Variants in TET1 observed in about 807,000 individuals in gnomAD.
TET1 encodes the protein tet methylcytosine dioxygenase 1.
A neutral mutation model predicts 148.7 loss-of-function variants in TET1; 13 were observed. The observed-to-expected ratio is 0.09, with a 90% CI of 0.06 to 0.14. TET1 has a LOEUF of 0.14. TET1 is among the 10% of genes least tolerant of loss of function. The pLI, the probability that TET1 is intolerant of heterozygous loss-of-function variation, is 1.00. For missense variants in TET1, 2,182 were observed against 2,553.8 expected (o/e 0.85, Z 3.14); for synonymous variants, 907 against 937.2 (o/e 0.97, Z 0.59).
intron 9 of TET1, among the ~76,000 whole-genome samples, chr10:68,682,089 T>A (rs925487696): frequency 2.3e-5 from 3 of 128,826 alleles, no homozygotes; most frequent in Non-Finnish European, 4.9e-5. Context: ...TTTATTGATC[T>A]ACTCTTTTTT....
intron 1 of TET1, among the ~76,000 whole-genome samples, chr10:68,570,981 A>T (rs1004475356): frequency 2.0e-5 from 3 of 148,524 alleles, no homozygotes; most frequent in African/African-American, 7.5e-5. Context: ...ATTTTATTTT[A>T]TTTATTTTAT....
intron 3 of TET1, among the ~76,000 whole-genome samples, chr10:68,606,103 A>G (rs2054119556): frequency 6.6e-6 from 1 of 152,182 alleles, no homozygotes; most frequent in South Asian, 2.1e-4. Flanking sequence ...TCGGTGGCTC[A>G]TGTCTGTAAT....
intron 3 of TET1, among the ~76,000 whole-genome samples, chr10:68,634,000 T>C (rs1219564862): frequency 6.6e-6 from 1 of 152,160 alleles, no homozygotes; most frequent in Admixed American, 6.5e-5. Context: ...TTCTCCTGCC[T>C]CAGCCTCTTG....
At chr10:68,604,187 CTT>C (rs1297462892) in intron 3 of TET1, among the ~76,000 whole-genome samples, 1 of 152,098 alleles carries the variant, frequency 6.6e-6, no homozygotes, top group Non-Finnish European at 1.5e-5. Flanking sequence ...GTGTAAATAA[CTT>C]TTACTTTGTG....
At chr10:68,608,553 G>T (rs2054159926) in intron 3 of TET1, among the ~76,000 whole-genome samples, 1 of 151,874 alleles carries the variant, frequency 6.6e-6, no homozygotes, top group African/African-American at 2.4e-5. Context: ...ATTTATTTTT[G>T]AGATGGAGTC....
Position 68,565,475 on chromosome 10 carries a change from AAT to A in TET1, c.-123+4756_-123+4757del, listed in dbSNP as rs71019031. ...AGCAAGACCCTGTTTAAAAAAAAAA[AAT>A]ATATATATATATATATATATATGCA... On this transcript the variant is annotated intron_variant, in intron 1 of 11. Coordinates refer to ENST00000373644, the MANE Select transcript of TET1 (RefSeq NM_030625.3). 6.2e-3 allele frequency among the ~76,000 whole-genome samples: 801 copies of A among 129,204 alleles called. 3 individuals carry two copies. Among genetic ancestry groups the A allele is most frequent in the African/African-American group, 0.015 (553 of 35,922 alleles). The allele number at this position is 129,204 out of a possible 152,430, so 84.8% of individuals were successfully genotyped here. A position where few individuals can be genotyped will look rare whatever the true frequency, so the allele number is the denominator to read the frequency against.
chr10:68,683,841 T>G (rs1270680001), intron 10 of TET1, among the ~76,000 whole-genome samples: 1 of 152,268 alleles, frequency 6.6e-6, no homozygotes, highest in African/African-American at 2.4e-5. Context: ...ATCAGCAATA[T>G]TTGCATTCTG....
At chr10:68,624,697 T>TC in intron 3 of TET1, among the ~76,000 whole-genome samples, 1 of 138,312 alleles carries the variant, frequency 7.2e-6, no homozygotes, top group African/African-American at 2.9e-5. Context: ...TCTCTCTCTC[T>TC]TTCTTTCTTT....
At chr10:68,682,145 G>C (rs1286526380) in intron 9 of TET1, among the ~76,000 whole-genome samples, 1 of 104,680 alleles carries the variant, frequency 9.6e-6, no homozygotes, top group Admixed American at 1.5e-4. Flanking sequence ...TTGTTGCCCA[G>C]GCTGGAGTGC....
chr10:68,639,157 TTTTC>T (rs1470579465), intron 3 of TET1, among the ~76,000 whole-genome samples: 1 of 152,044 alleles, frequency 6.6e-6, no homozygotes, highest in Admixed American at 6.5e-5. Flanking sequence ...TTTCTTTTTT[TTTTC>T]TTTTAAGACA....
intron 3 of TET1, among the ~76,000 whole-genome samples, chr10:68,605,427 G>A (rs2054110472): frequency 1.3e-5 from 2 of 152,144 alleles, no homozygotes; most frequent in African/African-American, 4.8e-5. Context: ...GAGGAAACAA[G>A]CAAAAATTGC....
At chr10:68,654,268 C>A (rs188134958) in intron 6 of TET1, among the ~76,000 whole-genome samples, 9 of 152,040 alleles carry the variant, frequency 5.9e-5, no homozygotes, top group African/African-American at 1.9e-4. Context: ...GAACAAAGGT[C>A]TTGGGTTTAG....
chr10:68,646,375 T>G lies in TET1; in HGVS notation c.3646T>G (p.Ser1216Ala), dbSNP rs2054847891. Reference sequence around the variant, plus strand: ...TACTGTATTTGGGAAAATTTCTTCCTCGACCAAAATATGGAAACCACTGGC... The same window carrying G: ...TACTGTATTTGGGAAAATTTCTTCCGCGACCAAAATATGGAAACCACTGGC... ...FPTVFGKISS[S>A]TKIWKPLAQT... is the part of the protein sequence containing the mutation. The change falls in exon 4 of 12, where the codon TCG (serine) becomes GCG (alanine). Residue 1216 changes from serine to alanine, a missense_variant. Ser to Ala is a moderately conservative substitution (Grantham distance 99, BLOSUM62 1). This residue lies in a region of TET1 where 582 missense variants were observed against 599.5 expected (regional missense o/e 0.97). Transcript: ENST00000373644. 15 of 1,614,164 alleles carry G rather than the reference T, an allele frequency of 9.3e-6. No homozygotes were observed. The East Asian group carries it at 3.3e-4, about 36-fold the overall frequency.
intron 8 of TET1, among the ~76,000 whole-genome samples, chr10:68,679,819 G>A (rs1467684430): frequency 6.6e-6 from 1 of 152,050 alleles, no homozygotes; most frequent in Non-Finnish European, 1.5e-5. Flanking sequence ...GACTACAGGC[G>A]CATGCCACCA....
chr10:68,600,889 G>C (rs774373706), intron 2 of TET1, 92 bp from the exon 3 acceptor site: 5 of 1,005,078 alleles, frequency 5.0e-6, no homozygotes, highest in African/African-American at 1.6e-5. Context: ...GGTATAAATA[G>C]TTTTACAGAG....
chr10:68,605,244 G>A (rs1490219524), intron 3 of TET1, among the ~76,000 whole-genome samples: 2 of 152,190 alleles, frequency 1.3e-5, no homozygotes, highest in South Asian at 4.1e-4. Flanking sequence ...AGGCTGAGGC[G>A]GGCAGATCAC....
At chr10:68,570,782 G>A (rs1218466441) in intron 1 of TET1, among the ~76,000 whole-genome samples, 3 of 148,262 alleles carry the variant, frequency 2.0e-5, no homozygotes, top group South Asian at 2.2e-4. Flanking sequence ...GGCACCCGCC[G>A]CCACGCCCAG....
At chr10:68,685,268 C>T (rs1321983480) in intron 10 of TET1, among the ~76,000 whole-genome samples, 1 of 152,094 alleles carries the variant, frequency 6.6e-6, no homozygotes, top group Non-Finnish European at 1.5e-5. Context: ...TTTTTTTAAC[C>T]TTTAACTTTG....
chr10:68,581,081 T>C (rs2053792115), intron 2 of TET1, among the ~76,000 whole-genome samples: 1 of 152,198 alleles, frequency 6.6e-6, no homozygotes, highest in Admixed American at 6.5e-5. Flanking sequence ...CTCAGAATGT[T>C]GACTGCTAAC....
Sources: allele counts gnomAD v4.1 joint callset (sites outside exome capture counted in the v4.1 genomes callset), GRCh38; gene constraint gnomAD v4.1.1; regional missense constraint gnomAD v4.1.1; transcripts MANE v1.5; gene names NCBI Gene and HGNC (gene_info 2026-07-23, HGNC 2026-07-21).